Variants in SPTBN1 observed in about 807,000 individuals in gnomAD.
SPTBN1 encodes spectrin beta chain, non-erythrocytic 1.
Under a neutral mutation model 266.4 loss-of-function variants are expected in SPTBN1, and 32 were observed. The ratio of observed to expected loss-of-function variants is 0.12; its 90% CI spans 0.09 to 0.16. The LOEUF (loss-of-function observed/expected upper bound fraction) is 0.16, where lower values mean the gene tolerates loss of function less well. Ranked by LOEUF, SPTBN1 falls within the 10% of genes least tolerant of loss-of-function variation. SPTBN1 has a pLI of 1.00. For missense variants in SPTBN1, 2,296 were observed against 3,067.1 expected, an observed-to-expected ratio of 0.75 and a Z score of 5.94; for synonymous variants, 1,336 against 1,162.2, an observed-to-expected ratio of 1.15 and a Z score of -3.04.
chr2:54,588,687 TG>T (rs1307871440), intron 2 of SPTBN1, among the ~76,000 whole-genome samples: 1 of 152,170 alleles, frequency 6.6e-6, no homozygotes, highest in Non-Finnish European at 1.5e-5. Flanking sequence ...TTGCCCTAAC[TG>T]ATCAGTCACC....
intron 1 of SPTBN1, among the ~76,000 whole-genome samples, chr2:54,488,175 G>T (rs1668506960): frequency 6.6e-6 from 1 of 152,028 alleles, no homozygotes; most frequent in South Asian, 2.1e-4. Flanking sequence ...AGGTCCAGGA[G>T]TCTGTATTTT....
chr2:54,621,719 C>T (rs1678004881), intron 8 of SPTBN1, among the ~76,000 whole-genome samples: 1 of 152,214 alleles, frequency 6.6e-6, no homozygotes, highest in South Asian at 2.1e-4. Flanking sequence ...TGGGGGCTAT[C>T]TCAAACCCAG....
At chr2:54,473,843 G>T (rs762127410) in intron 1 of SPTBN1, among the ~76,000 whole-genome samples, 2 of 152,182 alleles carry the variant, frequency 1.3e-5, no homozygotes, top group African/African-American at 2.4e-5. Flanking sequence ...GGGATGTTCT[G>T]TCTCCTCGTC....
chr2:54,597,395 G>A (rs1010289687), intron 2 of SPTBN1, among the ~76,000 whole-genome samples: 1 of 152,198 alleles, frequency 6.6e-6, no homozygotes, highest in African/African-American at 2.4e-5. Flanking sequence ...TGGTGCAGCT[G>A]CTTCTCCACT....
chr2:54,632,102 C>T (rs1183926762), intron 16 of SPTBN1, among the ~76,000 whole-genome samples: 3 of 143,976 alleles, frequency 2.1e-5, no homozygotes, highest in African/African-American at 5.2e-5. Flanking sequence ...AAAAAAAGTA[C>T]GGTGAGGATT....
chr2:54,621,347 G>T, intron 7 of SPTBN1, 53 bp from the exon 8 acceptor site: 2 of 1,381,552 alleles, frequency 1.4e-6, no homozygotes, highest in East Asian at 2.3e-5. Flanking sequence ...CTGCTACCTG[G>T]GTGGGGCACA....
At position 54,487,832 on chromosome 2, in the gene SPTBN1, C is replaced by CTCTTTTTTTTTTTTTTTTTTTTTTTTT. The variant is rs1426296541; in HGVS notation, c.-48+31315_-48+31316insCTTTTTTTTTTTTTTTTTTTTTTTTTT. Among the ~76,000 whole-genome samples, 41 of 68,646 alleles carry CTCTTTTTTTTTTTTTTTTTTTTTTTTT rather than the reference C, an allele frequency of 6.0e-4. 3 individuals are homozygous for CTCTTTTTTTTTTTTTTTTTTTTTTTTT. Among genetic ancestry groups the CTCTTTTTTTTTTTTTTTTTTTTTTTTT allele is most frequent in the South Asian group, 1.4e-3 (2 of 1,434 alleles). 45.0% of individuals were successfully genotyped at this position (68,646 alleles called of 152,430 possible). Reference sequence around the variant, plus strand: ...TTCACTTGATGGTCTCCTCCTGTGTCTTTTTTTTTTTTTTTGAGACGGAGT... The same window carrying CTCTTTTTTTTTTTTTTTTTTTTTTTTT: ...TTCACTTGATGGTCTCCTCCTGTGTCTCTTTTTTTTTTTTTTTTTTTTTTTTTTTTTTTTTTTTTTTTGAGACGGAGT... On this transcript the variant is annotated intron_variant, in intron 1 of 35. Coordinates refer to ENST00000356805, the MANE Select transcript of SPTBN1 (RefSeq NM_003128.3).
chr2:54,508,599 T>C (rs1015416636), intron 1 of SPTBN1, among the ~76,000 whole-genome samples: 26 of 152,176 alleles, frequency 1.7e-4, no homozygotes, highest in Admixed American at 9.8e-4. Context: ...AGAATGGGCC[T>C]GTGAGACTGG....
chr2:54,567,771 C>T (rs2104505370), intron 2 of SPTBN1, among the ~76,000 whole-genome samples: 1 of 152,134 alleles, frequency 6.6e-6, no homozygotes, highest in Middle Eastern at 3.4e-3. Context: ...GTCACTGAGG[C>T]ATGCTTTATT....
At chr2:54,625,077 G>T in intron 11 of SPTBN1, 115 bp downstream of exon 11, 2 of 1,286,166 alleles carry the variant, frequency 1.6e-6, no homozygotes, top group Admixed American at 2.8e-5. Context: ...TTATTCTGGA[G>T]GAACGTCAGG....
At chr2:54,559,759 G>T (rs1052712134) in intron 2 of SPTBN1, among the ~76,000 whole-genome samples, 6 of 152,174 alleles carry the variant, frequency 3.9e-5, no homozygotes, top group Admixed American at 2.0e-4. Context: ...TCAGTAGTAG[G>T]CTGGGAATGG....
intron 9 of SPTBN1, among the ~76,000 whole-genome samples, chr2:54,622,891 A>C (rs1678088393): frequency 6.6e-6 from 1 of 152,254 alleles, no homozygotes; most frequent in African/African-American, 2.4e-5. Context: ...ATCTGTAGCA[A>C]AATGTGTAAA....
intron 1 of SPTBN1, among the ~76,000 whole-genome samples, chr2:54,493,202 C>T (rs542691521): frequency 5.7e-4 from 86 of 151,660 alleles, no homozygotes; most frequent in African/African-American, 1.9e-3. Flanking sequence ...GATGGGGTTT[C>T]GCCATGTTGC....
chr2:54,568,018 C>G (rs1316741535), intron 2 of SPTBN1, among the ~76,000 whole-genome samples: 3 of 152,164 alleles, frequency 2.0e-5, no homozygotes, highest in African/African-American at 7.2e-5. Flanking sequence ...CCGACCTCCC[C>G]ACAGACCTCC....
chr2:54,664,221 A>C lies in SPTBN1; in HGVS notation c.6421-232A>C, dbSNP rs1572783665. The C allele has an allele frequency of 5.8e-6, 3 of 515,950 alleles. No individual in the cohort carries two copies. The highest frequency in any genetic ancestry group is 6.2e-5 in the South Asian group (2 of 32,106). The allele number at this position is 515,950 out of a possible 1,614,324, so 32.0% of individuals were successfully genotyped here. A position where few individuals can be genotyped will look rare whatever the true frequency, so the allele number is the denominator to read the frequency against. ...AGAGGAATAGAGTGCAGTAAAACTC[A>C]TACTGGCATTTCGCTTTTCTCATTT... On this transcript the variant is annotated intron_variant, in intron 32 of 35. Transcript: ENST00000356805. The surrounding 1 kb of genome is among the most constrained non-coding windows in gnomAD (Gnocchi z 5.6).
At chr2:54,549,289 CAA>C (rs35199228) in intron 2 of SPTBN1, among the ~76,000 whole-genome samples, 197 of 108,716 alleles carry the variant, frequency 1.8e-3, no homozygotes, top group Non-Finnish European at 1.8e-3. Flanking sequence ...AACTCTGTCT[CAA>C]AAAAAAAAAA....
intron 2 of SPTBN1, among the ~76,000 whole-genome samples, chr2:54,582,481 G>A (rs1266575683): frequency 2.1e-4 from 32 of 151,278 alleles, no homozygotes; most frequent in African/African-American, 6.8e-4. Context: ...GGAGAATGGC[G>A]TGAATCCAGG....
chr2:54,625,083 T>G (rs1326550577), intron 11 of SPTBN1, 121 bp downstream of exon 11: 1 of 1,225,360 alleles, frequency 8.2e-7, no homozygotes, highest in Non-Finnish European at 1.1e-6. Flanking sequence ...TGGAGGAACG[T>G]CAGGTCACCT....
At chr2:54,543,399 T>C (rs1487597280) in intron 2 of SPTBN1, among the ~76,000 whole-genome samples, 2 of 152,152 alleles carry the variant, frequency 1.3e-5, no homozygotes, top group Non-Finnish European at 2.9e-5. Flanking sequence ...AGGCCTTCCA[T>C]ATTGAGAAAT....
Sources: allele counts gnomAD v4.1 joint callset (sites outside exome capture counted in the v4.1 genomes callset), GRCh38; gene constraint gnomAD v4.1.1; non-coding constraint Gnocchi (gnomAD v3.1); transcripts MANE v1.5; gene names NCBI Gene and HGNC (gene_info 2026-07-23, HGNC 2026-07-21).